Variants in GPC5 observed in about 807,000 individuals in gnomAD.
The protein encoded by GPC5 is glypican 5.
Under a neutral mutation model 53.9 loss-of-function variants are expected in GPC5, and 47 were observed. The observed-to-expected ratio is 0.87, with a 90% CI of 0.69 to 1.11. The LOEUF (loss-of-function observed/expected upper bound fraction) is 1.11. GPC5 is among the 50% of genes most tolerant of loss of function. The pLI, the probability that GPC5 is intolerant of heterozygous loss-of-function variation, is 0.00. For synonymous variants in GPC5, 286 were observed against 263.3 expected (o/e 1.09, Z -0.84); for missense variants, 748 against 713.1 (o/e 1.05, Z -0.56).
At chr13:92,485,256 C>T (rs1253180749) in intron 7 of GPC5, among the ~76,000 whole-genome samples, 2 of 152,018 alleles carry the variant, frequency 1.3e-5, no homozygotes, top group Non-Finnish European at 2.9e-5. Context: ...AGTGATGTAA[C>T]CTTGATGGTA....
At chr13:92,289,044 C>T (rs2042975914) in intron 7 of GPC5, among the ~76,000 whole-genome samples, 1 of 149,814 alleles carries the variant, frequency 6.7e-6, no homozygotes, top group Non-Finnish European at 1.5e-5. Context: ...TGTTTTCTTG[C>T]TTTTAATTCT....
At chr13:92,594,693 T>C (rs1883811933) in intron 7 of GPC5, among the ~76,000 whole-genome samples, 1 of 152,182 alleles carries the variant, frequency 6.6e-6, no homozygotes, top group Non-Finnish European at 1.5e-5. Context: ...AAAGCCCTCC[T>C]TGAAATTTAG....
chr13:92,656,414 A>G (rs1326579402), intron 7 of GPC5, among the ~76,000 whole-genome samples: 2 of 152,166 alleles, frequency 1.3e-5, no homozygotes, highest in African/African-American at 4.8e-5. Context: ...GAGGAGGGAA[A>G]GGCGGATTCC....
intron 7 of GPC5, among the ~76,000 whole-genome samples, chr13:92,439,152 C>T (rs1877444601): frequency 1.3e-5 from 2 of 152,080 alleles, no homozygotes; most frequent in African/African-American, 4.8e-5. Context: ...ATCTGGTCCA[C>T]TGAGGATTGG....
At chr13:92,201,114 C>T (rs1220794577) in intron 7 of GPC5, among the ~76,000 whole-genome samples, 1 of 152,044 alleles carries the variant, frequency 6.6e-6, no homozygotes, top group East Asian at 1.9e-4. Context: ...TAGTGAATGC[C>T]AATGGTAAAG....
intron 5 of GPC5, among the ~76,000 whole-genome samples, chr13:91,864,274 G>A (rs928165776): frequency 6.6e-6 from 1 of 152,188 alleles, no homozygotes; most frequent in East Asian, 1.9e-4. Flanking sequence ...ATTTCATAAT[G>A]ACTTTTACTT....
intron 4 of GPC5, among the ~76,000 whole-genome samples, chr13:91,741,990 T>C (rs1594508373): frequency 6.6e-6 from 1 of 152,116 alleles, no homozygotes; most frequent in South Asian, 2.1e-4. Flanking sequence ...ATAAAGGTCA[T>C]GTTTTCAATG....
At position 91,413,289 on chromosome 13, in the gene GPC5, G is replaced by A. The variant is rs557480334; in HGVS notation, c.163+14080G>A. On this transcript the variant is annotated intron_variant, in intron 1 of 7. Transcript: ENST00000377067. ...GAGAGTCTGTCTTAAACAAAACAAC[G>A]AAAAACCAAAATGAACAAGTGACTT... 4.6e-5 allele frequency among the ~76,000 whole-genome samples: 7 copies of A among 151,442 alleles called. No homozygotes were observed. In the South Asian group the frequency reaches 8.4e-4, roughly 18 times the overall value.
At chr13:92,609,263 G>A (rs1278551487) in intron 7 of GPC5, among the ~76,000 whole-genome samples, 1 of 152,148 alleles carries the variant, frequency 6.6e-6, no homozygotes, top group Non-Finnish European at 1.5e-5. Context: ...GTATCAGGAT[G>A]AGGGAATAAA....
At chr13:91,470,015 G>T (rs1340558133) in intron 2 of GPC5, among the ~76,000 whole-genome samples, 2 of 152,106 alleles carry the variant, frequency 1.3e-5, no homozygotes, top group African/African-American at 4.8e-5. Context: ...CTCCAGCCTG[G>T]GTGACAGAGT....
chr13:91,559,974 G>A (rs943607426), intron 2 of GPC5, among the ~76,000 whole-genome samples: 7 of 152,066 alleles, frequency 4.6e-5, no homozygotes, highest in East Asian at 1.9e-4. Context: ...AGATCTGAAG[G>A]GTACTAGACT....
chr13:92,449,393 C>T (rs549737481), intron 7 of GPC5, among the ~76,000 whole-genome samples: 15 of 152,146 alleles, frequency 9.9e-5, no homozygotes, highest in African/African-American at 1.9e-4. Flanking sequence ...GTAATTAAAC[C>T]GCTCTCAACT....
At chr13:91,928,868 T>G (rs969556226) in intron 6 of GPC5, among the ~76,000 whole-genome samples, 2 of 152,152 alleles carry the variant, frequency 1.3e-5, no homozygotes, top group Non-Finnish European at 2.9e-5. Flanking sequence ...AGCAGAAAGA[T>G]GTGAAGGTGA....
At chr13:91,798,319 ATTC>A (rs1346793292) in intron 5 of GPC5, among the ~76,000 whole-genome samples, 1 of 152,044 alleles carries the variant, frequency 6.6e-6, no homozygotes, top group East Asian at 1.9e-4. Context: ...TTAGCTAGCT[ATTC>A]TTCTTGATGC....
chr13:92,118,374 A>C (rs2041617440), intron 6 of GPC5, among the ~76,000 whole-genome samples: 1 of 152,050 alleles, frequency 6.6e-6, no homozygotes, highest in South Asian at 2.1e-4. Context: ...ATGTTCTTAA[A>C]GGGATATCGG....
At chr13:91,439,403 A>T (rs1305022393) in intron 1 of GPC5, among the ~76,000 whole-genome samples, 1 of 152,248 alleles carries the variant, frequency 6.6e-6, no homozygotes, top group Admixed American at 6.5e-5. Context: ...AAACTTCATT[A>T]ACTAAACTTT....
chr13:92,799,124 C>T (rs903908265), intron 7 of GPC5, among the ~76,000 whole-genome samples: 8 of 151,550 alleles, frequency 5.3e-5, no homozygotes, highest in African/African-American at 1.9e-4. Context: ...GAGATTGCTA[C>T]CCCTCTCCTG....
At chr13:92,247,226 A>C (rs2042659329) in intron 7 of GPC5, among the ~76,000 whole-genome samples, 1 of 152,156 alleles carries the variant, frequency 6.6e-6, no homozygotes, top group Non-Finnish European at 1.5e-5. Context: ...AGCTTACAAA[A>C]CACTTGCATG....
intron 7 of GPC5, among the ~76,000 whole-genome samples, chr13:92,430,150 T>G (rs189601396): frequency 6.6e-6 from 1 of 152,174 alleles, no homozygotes; most frequent in Non-Finnish European, 1.5e-5. Flanking sequence ...AAAGTGCTTA[T>G]ATAGCTCCCT....
Sources: gnomAD v4.1 joint callset for allele counts (sites outside exome capture counted in the v4.1 genomes callset) on GRCh38, gnomAD v4.1.1 for gene constraint, MANE v1.5 for transcripts, NCBI Gene and HGNC (gene_info 2026-07-23, HGNC 2026-07-21) for gene names.